The following CCSER1 variants were observed in gnomAD, a reference collection of about 807,000 sequenced individuals.
CCSER1 encodes the protein coiled-coil serine rich protein 1, also known as serine-rich coiled-coil domain-containing protein 1.
Under a neutral mutation model 82.0 loss-of-function variants are expected in CCSER1, and 41 were observed. That is an observed-to-expected ratio of 0.50 (90% CI 0.39 to 0.65). The LOEUF is 0.65. Ranked by LOEUF, CCSER1 falls within the 30% of genes least tolerant of loss-of-function variation. The pLI is 0.00. For missense variants in CCSER1, 1,119 were observed against 1,064.2 expected (o/e 1.05, Z -0.72); for synonymous variants, 414 against 383.9 (o/e 1.08, Z -0.92).
intron 5 of CCSER1, among the ~76,000 whole-genome samples, chr4:90,611,889 A>T (rs1164895590): frequency 6.6e-6 from 1 of 151,132 alleles, no homozygotes; most frequent in Non-Finnish European, 1.5e-5. Context: ...TTAAAGGGAG[A>T]TATACTTGGC....
chr4:90,375,532 C>T (rs1748167929), intron 3 of CCSER1, among the ~76,000 whole-genome samples: 1 of 152,134 alleles, frequency 6.6e-6, no homozygotes, highest in Admixed American at 6.5e-5. Context: ...GATCCTTCCT[C>T]GTAGAGCAAA....
chr4:90,239,176 A>AT (rs1746371539), intron 1 of CCSER1, among the ~76,000 whole-genome samples: 1 of 152,164 alleles, frequency 6.6e-6, no homozygotes, highest in Non-Finnish European at 1.5e-5. Context: ...ACAAAAACAC[A>AT]TTTTTTGAGT....
intron 10 of CCSER1, among the ~76,000 whole-genome samples, chr4:91,188,659 T>C (rs750257030): frequency 6.6e-6 from 1 of 152,212 alleles, no homozygotes; most frequent in Non-Finnish European, 1.5e-5. Flanking sequence ...TGGTATGTCC[T>C]AGGTCATTAG....
intron 10 of CCSER1, among the ~76,000 whole-genome samples, chr4:91,264,602 T>G (rs895289090): frequency 3.3e-5 from 5 of 152,068 alleles, no homozygotes; most frequent in African/African-American, 1.2e-4. Context: ...ACCTATATTT[T>G]ATAAAGCATA....
intron 10 of CCSER1, among the ~76,000 whole-genome samples, chr4:91,423,469 T>TA (rs1753797924): frequency 6.6e-6 from 1 of 151,922 alleles, no homozygotes; most frequent in Non-Finnish European, 1.5e-5. Flanking sequence ...AGAAAAAGAA[T>TA]ATAAGCATAA....
chr4:90,503,289 G>A (rs1770186501), intron 5 of CCSER1, among the ~76,000 whole-genome samples: 1 of 152,116 alleles, frequency 6.6e-6, no homozygotes, highest in South Asian at 2.1e-4. Context: ...AAGCTGAGAC[G>A]TCTTAAAACA....
chr4:90,725,035 A>G (rs888048227), intron 7 of CCSER1: 5 of 439,156 alleles, frequency 1.1e-5, no homozygotes, highest in Non-Finnish European at 2.3e-5. Flanking sequence ...GGCCCTTTCT[A>G]TACCTGCTAA....
intron 10 of CCSER1, among the ~76,000 whole-genome samples, chr4:91,125,195 TTAC>T (rs1219107934): frequency 1.3e-5 from 2 of 151,754 alleles, no homozygotes; most frequent in African/African-American, 4.8e-5. Context: ...TATGAAATAA[TTAC>T]TACTTGTATA....
In CCSER1 at chr4:91,496,654, TTGA is replaced by T. The variant is rs1280556730; in HGVS notation, c.2218-101917_2218-101915del. Among the ~76,000 whole-genome samples the T allele has an allele frequency of 5.6e-4, 12 of 21,320 alleles. 4 individuals carry two copies. Among genetic ancestry groups the T allele is most frequent in the Admixed American group, 1.7e-3 (3 of 1,734 alleles). The allele number at this position is 21,320 out of a possible 152,430, so 14.0% of individuals were successfully genotyped here. A position where few individuals can be genotyped will look rare whatever the true frequency, so the allele number is the denominator to read the frequency against. On this transcript the variant is annotated intron_variant, in intron 10 of 10. Coordinates refer to ENST00000509176, the MANE Select transcript of CCSER1 (RefSeq NM_001145065.2). ...TGAATATATATATATTCAATATATA[TTGA>T]ATATATATATATTCAATATATTTGA...
intron 10 of CCSER1, among the ~76,000 whole-genome samples, chr4:91,221,536 C>A (rs892641936): frequency 1.3e-5 from 2 of 149,696 alleles, no homozygotes; most frequent in South Asian, 2.1e-4. Flanking sequence ...TGTGTATTTT[C>A]AATGGAATGA....
chr4:91,553,221 C>T (rs915163075), intron 10 of CCSER1, among the ~76,000 whole-genome samples: 1 of 151,522 alleles, frequency 6.6e-6, no homozygotes, highest in African/African-American at 2.4e-5. Flanking sequence ...AGATGTTGAA[C>T]ATCCTTGCAT....
intron 9 of CCSER1, among the ~76,000 whole-genome samples, chr4:90,934,932 ACACACACACG>A (rs1730739951): frequency 6.6e-6 from 1 of 152,080 alleles, no homozygotes; most frequent in Admixed American, 6.6e-5. Flanking sequence ...ACTCCATCAC[ACACACACACG>A]CACACACACA....
At chr4:91,543,086 G>A (rs1179644823) in intron 10 of CCSER1, among the ~76,000 whole-genome samples, 7 of 151,976 alleles carry the variant, frequency 4.6e-5, no homozygotes, top group Non-Finnish European at 1.0e-4. Context: ...GATCTTTGTT[G>A]GTTTAAAGTC....
intron 7 of CCSER1, among the ~76,000 whole-genome samples, chr4:90,755,739 A>C (rs1445908468): frequency 1.3e-5 from 2 of 152,340 alleles, no homozygotes; most frequent in East Asian, 1.9e-4. Flanking sequence ...TAAATAAACA[A>C]AAACTTGAAA....
intron 10 of CCSER1, among the ~76,000 whole-genome samples, chr4:91,283,372 T>C (rs1354916584): frequency 6.6e-6 from 1 of 152,076 alleles, no homozygotes; most frequent in Admixed American, 6.6e-5. Flanking sequence ...ATCTTTCCTT[T>C]CTATAGTATT....
At chr4:91,098,552 T>C (rs1315048537) in intron 10 of CCSER1, among the ~76,000 whole-genome samples, 3 of 152,046 alleles carry the variant, frequency 2.0e-5, no homozygotes, top group African/African-American at 7.2e-5. Flanking sequence ...TAATTTTTTT[T>C]TTTTTTTGAG....
chr4:91,270,699 A>G (rs1045279688), intron 10 of CCSER1, among the ~76,000 whole-genome samples: 15 of 152,302 alleles, frequency 9.8e-5, no homozygotes, highest in African/African-American at 3.6e-4. Context: ...AATTCAGTTC[A>G]AGGCTGTCAG....
At chr4:91,594,380 CACACATATAT>C (rs1764435405) in intron 10 of CCSER1, among the ~76,000 whole-genome samples, 1 of 136,468 alleles carries the variant, frequency 7.3e-6, no homozygotes. Flanking sequence ...CATATATATA[CACACATATAT>C]ACATATATAC....
At chr4:90,518,591 G>A (rs1026861643) in intron 5 of CCSER1, among the ~76,000 whole-genome samples, 1 of 151,824 alleles carries the variant, frequency 6.6e-6, no homozygotes, top group African/African-American at 2.4e-5. Context: ...CCTTTCAGTT[G>A]GTAATAATAC....
Sources: gnomAD v4.1 joint callset for allele counts (sites outside exome capture counted in the v4.1 genomes callset) on GRCh38, gnomAD v4.1.1 for gene constraint, MANE v1.5 for transcripts, NCBI Gene and HGNC (gene_info 2026-07-23, HGNC 2026-07-21) for gene names.